Variants in CADM2 observed in about 807,000 individuals in gnomAD.
The protein encoded by CADM2 is immunoglobulin superfamily member 4D.
CADM2 carries 12 observed loss-of-function variants against 49.8 expected under a neutral mutation model. The ratio of observed to expected loss-of-function variants is 0.24; its 90% CI spans 0.15 to 0.39. CADM2 has a LOEUF of 0.39. Among genes scored for constraint, CADM2 ranks in the 10% least tolerant of loss-of-function variants. The pLI is 1.00. For missense variants in CADM2, 378 were observed against 492.3 expected, an observed-to-expected ratio of 0.77 and a Z score of 2.20; for synonymous variants, 214 against 175.4, an observed-to-expected ratio of 1.22 and a Z score of -1.74.
At chr3:85,676,978 T>C (rs2065903000) in intron 1 of CADM2, among the ~76,000 whole-genome samples, 1 of 152,184 alleles carries the variant, frequency 6.6e-6, no homozygotes, top group African/African-American at 2.4e-5. Context: ...TATAGGTTTA[T>C]AGAACTTACA....
chr3:85,532,573 G>A (rs2061338841), intron 1 of CADM2, among the ~76,000 whole-genome samples: 1 of 152,074 alleles, frequency 6.6e-6, no homozygotes, highest in Non-Finnish European at 1.5e-5. Flanking sequence ...AAAAATAAAA[G>A]CATCAGTGTG....
chr3:85,215,750 T>C (rs2041910587), intron 1 of CADM2, among the ~76,000 whole-genome samples: 1 of 152,170 alleles, frequency 6.6e-6, no homozygotes. Flanking sequence ...TTCCTACTGC[T>C]AGGGTAGATG....
chr3:85,073,084 G>A (rs775568101), intron 1 of CADM2, among the ~76,000 whole-genome samples: 1 of 152,076 alleles, frequency 6.6e-6, no homozygotes, highest in Non-Finnish European at 1.5e-5. Context: ...CATTTAAAAT[G>A]GTAGTGGCAA....
chr3:85,571,873 TC>T (rs373656180), intron 1 of CADM2, among the ~76,000 whole-genome samples: 1 of 152,342 alleles, frequency 6.6e-6, no homozygotes, highest in African/African-American at 2.4e-5. Context: ...AATGAAATGA[TC>T]CCAAGATGCA....
chr3:85,713,709 A>G (rs2067194286), intron 1 of CADM2, among the ~76,000 whole-genome samples: 1 of 152,162 alleles, frequency 6.6e-6, no homozygotes, highest in African/African-American at 2.4e-5. Context: ...ACTAAACATC[A>G]CATCTAAAGA....
At chr3:85,158,188 A>G (rs1410264861) in intron 1 of CADM2, among the ~76,000 whole-genome samples, 1 of 152,158 alleles carries the variant, frequency 6.6e-6, no homozygotes, top group Non-Finnish European at 1.5e-5. Context: ...AAGTCAGGAA[A>G]CAACAGGTGC....
In CADM2 at chr3:85,728,840, T is replaced by C. The variant is rs562014721; in HGVS notation, c.88+2292T>C. Among the ~76,000 whole-genome samples, 17 of 152,282 alleles carry C rather than the reference T, an allele frequency of 1.1e-4. No homozygotes were observed. The East Asian group carries it at 1.5e-3, about 14-fold the overall frequency. ...TTCCCAGTAAGATTTTTAAACACTC[T>C]TAAAACAACAGTTGGTGGGTATTTA... On this transcript the variant is annotated intron_variant, in intron 2 of 9. Transcript: ENST00000383699.
chr3:85,248,395 C>G (rs2107853238), intron 1 of CADM2, among the ~76,000 whole-genome samples: 1 of 152,232 alleles, frequency 6.6e-6, no homozygotes, highest in African/African-American at 2.4e-5. Context: ...GTGCCTCAGC[C>G]TTCCCAGTAG....
chr3:85,272,255 A>T (rs1024576008), intron 1 of CADM2, among the ~76,000 whole-genome samples: 1 of 151,296 alleles, frequency 6.6e-6, no homozygotes, highest in South Asian at 2.1e-4. Flanking sequence ...TTTTAAGAGA[A>T]AATGTTTAAA....
intron 1 of CADM2, among the ~76,000 whole-genome samples, chr3:85,565,344 T>A (rs1285657383): frequency 6.6e-6 from 1 of 152,134 alleles, no homozygotes; most frequent in Non-Finnish European, 1.5e-5. Context: ...TAATCTTTCA[T>A]GTAAAAGTTC....
intron 1 of CADM2, among the ~76,000 whole-genome samples, chr3:85,647,933 C>T (rs937650755): frequency 6.6e-6 from 1 of 151,792 alleles, no homozygotes; most frequent in Non-Finnish European, 1.5e-5. Context: ...GATTAAGTCT[C>T]CTTTTATCAT....
intron 1 of CADM2, among the ~76,000 whole-genome samples, chr3:85,595,468 T>A (rs1465938612): frequency 6.6e-6 from 1 of 152,092 alleles, no homozygotes; most frequent in African/African-American, 2.4e-5. Context: ...CTTTATCTTA[T>A]CATTTTGTAC....
At chr3:85,782,030 T>C (rs1409092310) in intron 2 of CADM2, among the ~76,000 whole-genome samples, 1 of 152,196 alleles carries the variant, frequency 6.6e-6, no homozygotes, top group Non-Finnish European at 1.5e-5. Flanking sequence ...AAAGTAATCA[T>C]GGAAACAAAT....
intron 1 of CADM2, among the ~76,000 whole-genome samples, chr3:85,561,600 C>T (rs117812811): frequency 1.3e-5 from 2 of 152,222 alleles, no homozygotes; most frequent in East Asian, 3.9e-4. Flanking sequence ...AGGACATTGA[C>T]ATATCTAAAG....
At chr3:85,812,436 A>C (rs1212031311) in intron 3 of CADM2, among the ~76,000 whole-genome samples, 1 of 152,182 alleles carries the variant, frequency 6.6e-6, no homozygotes, top group African/African-American at 2.4e-5. Flanking sequence ...TCTTGGTGAC[A>C]TACTGATTTC....
At chr3:86,017,958 T>A (rs1732526071) in intron 8 of CADM2, among the ~76,000 whole-genome samples, 2 of 142,360 alleles carry the variant, frequency 1.4e-5, no homozygotes, top group East Asian at 2.1e-4. Flanking sequence ...ACATGTGCCA[T>A]GCTGGTGCGC....
intron 1 of CADM2, among the ~76,000 whole-genome samples, chr3:85,510,304 C>T (rs528926325): frequency 6.6e-6 from 1 of 152,078 alleles, no homozygotes; most frequent in African/African-American, 2.4e-5. Flanking sequence ...TACCATTTTA[C>T]AACACAAGAA....
chr3:85,504,942 G>A (rs892570241), intron 1 of CADM2, among the ~76,000 whole-genome samples: 2 of 152,106 alleles, frequency 1.3e-5, no homozygotes, highest in African/African-American at 4.8e-5. Context: ...CATTGCCCGG[G>A]GCCGGCAGGG....
chr3:85,541,551 C>G (rs17517080), intron 1 of CADM2, among the ~76,000 whole-genome samples: 76,467 of 149,276 alleles, frequency 0.51, 22,614 homozygotes, highest in East Asian at 0.85. Context: ...GTAAATGCCA[C>G]ACTTCAGAGA....
Sources: allele counts gnomAD v4.1 joint callset (sites outside exome capture counted in the v4.1 genomes callset), GRCh38; gene constraint gnomAD v4.1.1; transcripts MANE v1.5; gene names NCBI Gene and HGNC (gene_info 2026-07-23, HGNC 2026-07-21).